Variants in VPS37C observed in about 807,000 individuals in gnomAD.
VPS37C encodes the protein VPS37C subunit of ESCRT-I.
Under a neutral mutation model 16.1 loss-of-function variants are expected in VPS37C, and 9 were observed. The ratio of observed to expected loss-of-function variants is 0.56; its 90% CI spans 0.34 to 0.97. The LOEUF is 0.97. VPS37C is among the 50% of genes least tolerant of loss of function. The pLI is 0.02. For missense variants in VPS37C, 479 were observed against 472.7 expected, an observed-to-expected ratio of 1.01 and a Z score of -0.12; for synonymous variants, 207 against 206.4, an observed-to-expected ratio of 1.00 and a Z score of -0.02.
chr11:61,142,975 T>TAAAAAAAAAAAAAAAAAAAAAAAGAA (rs1861499142), intron 1 of VPS37C, among the ~76,000 whole-genome samples: 2 of 47,586 alleles, frequency 4.2e-5, no homozygotes, highest in African/African-American at 7.5e-5. Flanking sequence ...AAAGAATAGC[T>TAAAAAAAAAAAAAAAAAAAAAAAGAA]AAAAAAAAAA....
chr11:61,141,087 G>T, intron 1 of VPS37C, among the ~76,000 whole-genome samples: 1 of 152,146 alleles, frequency 6.6e-6, no homozygotes, highest in East Asian at 1.9e-4. Flanking sequence ...GTAAAAGCTG[G>T]GCCAGGTGCA....
At chr11:61,136,888 A>C (rs1240515512) in intron 2 of VPS37C, among the ~76,000 whole-genome samples, 1 of 152,182 alleles carries the variant, frequency 6.6e-6, no homozygotes, top group Non-Finnish European at 1.5e-5. Flanking sequence ...GTGCACCTGT[A>C]GTCCCAGCTA....
chr11:61,135,200 C>T (rs1042049929), intron 2 of VPS37C, among the ~76,000 whole-genome samples: 1 of 152,224 alleles, frequency 6.6e-6, no homozygotes, highest in African/African-American at 2.4e-5. Flanking sequence ...TCATGCCCCA[C>T]GAGACATAGG....
intron 3 of VPS37C, 45 bp from the exon 4 acceptor site, chr11:61,133,382 G>T: frequency 6.3e-7 from 1 of 1,595,500 alleles, no homozygotes; most frequent in South Asian, 1.1e-5. Flanking sequence ...AGTGCTTCCT[G>T]ATTCAGTGTT....
intron 1 of VPS37C, among the ~76,000 whole-genome samples, chr11:61,157,117 A>T (rs957626333): frequency 1.3e-5 from 2 of 152,242 alleles, no homozygotes; most frequent in African/African-American, 4.8e-5. Context: ...CATATAACAC[A>T]TTTTGTTTAT....
In VPS37C at chr11:61,131,062, A is replaced by G. The variant is rs1321461615; in HGVS notation, c.*758T>C. Reference sequence around the variant, plus strand: ...CTAAACAAGCCCCAATGTGACCACAATCTCCAGGGCTAGAGCTGCCCGCTT... The same window carrying G: ...CTAAACAAGCCCCAATGTGACCACAGTCTCCAGGGCTAGAGCTGCCCGCTT... On this transcript the variant is annotated 3_prime_UTR_variant, in exon 5 of 5. Transcript: ENST00000301765. The G allele has an allele frequency of 6.9e-6, 2 of 288,038 alleles. No individual in the cohort carries two copies. Among genetic ancestry groups the G allele is most frequent in the African/African-American group, 4.7e-5 (2 of 42,356 alleles). The allele number at this position is 288,038 out of a possible 1,614,324, so 17.8% of individuals were successfully genotyped here.
At chr11:61,138,542 C>T (rs1861420605) in intron 2 of VPS37C, 195 bp downstream of exon 2, 1 of 581,594 alleles carries the variant, frequency 1.7e-6, no homozygotes, top group South Asian at 2.0e-5. Context: ...GCAGTGGACT[C>T]CCCAGCACTC....
rs1273773081 is a variant in VPS37C at position 61,130,993 on chromosome 11, G to T, written c.*827C>A. The stretch of plus-strand genomic sequence containing the variant: ...TCGCCCTAAAGTGGGGACCCCAGAG[G>T]AGAGAAGGGAGGGTGGCTGGGGAGG... On this transcript the variant is annotated 3_prime_UTR_variant, in exon 5 of 5. Transcript: ENST00000301765. 2 of 318,578 alleles carry T rather than the reference G, an allele frequency of 6.3e-6. No individual in the cohort carries two copies. The highest frequency in any genetic ancestry group is 2.3e-5 in the African/African-American group (1 of 42,930). The allele number at this position is 318,578 out of a possible 1,614,324, so 19.7% of individuals were successfully genotyped here.
chr11:61,149,692 C>T (rs950265760), intron 1 of VPS37C, among the ~76,000 whole-genome samples: 2 of 152,170 alleles, frequency 1.3e-5, no homozygotes, highest in African/African-American at 4.8e-5. Flanking sequence ...CAAACATAAG[C>T]ATACATAGGG....
intron 1 of VPS37C, chr11:61,144,803 A>T (rs1011625432): frequency 1.3e-5 from 2 of 152,210 alleles, no homozygotes; most frequent in African/African-American, 2.4e-5. Context: ...AGTCCCCCCT[A>T]CACGGAGGCT....
intron 1 of VPS37C, chr11:61,144,458 CAGG>C (rs1474651866): frequency 6.6e-6 from 1 of 151,356 alleles, no homozygotes; most frequent in African/African-American, 2.4e-5. Flanking sequence ...ACCGCAGAAG[CAGG>C]AGGAGAACGC....
At chr11:61,156,398 C>G (rs1309102247) in intron 1 of VPS37C, among the ~76,000 whole-genome samples, 1 of 152,126 alleles carries the variant, frequency 6.6e-6, no homozygotes, top group Non-Finnish European at 1.5e-5. Flanking sequence ...GCCTAGCCAA[C>G]ATGGTGAAAT....
chr11:61,133,050 C>G, intron 4 of VPS37C: 1 of 689,916 alleles, frequency 1.4e-6, no homozygotes. Context: ...CCACTGTCAC[C>G]CGTTTCTGCT....
rs755424600 is a variant in VPS37C, at chr11:61,131,780, G to A, written c.*40C>T. 39 of 1,243,592 alleles carry A rather than the reference G, an allele frequency of 3.1e-5. No individual in the cohort carries two copies. The highest frequency in any genetic ancestry group is 1.1e-4 in the African/African-American group (7 of 64,744). The allele number at this position is 1,243,592 out of a possible 1,614,324, so 77.0% of individuals were successfully genotyped here. A position where few individuals can be genotyped will look rare whatever the true frequency, so the allele number is the denominator to read the frequency against. On this transcript the variant is annotated 3_prime_UTR_variant, in exon 5 of 5. Coordinates refer to ENST00000301765, the MANE Select transcript of VPS37C (RefSeq NM_017966.5). ...GCGATGGCTGGGCCAAAGGTTGAGC[G>A]TGGGTGGGACTAGGGAGGGGCCGAG...
At chr11:61,150,736 C>A (rs1722954690) in intron 1 of VPS37C, among the ~76,000 whole-genome samples, 1 of 151,974 alleles carries the variant, frequency 6.6e-6, no homozygotes, top group African/African-American at 2.4e-5. Flanking sequence ...CTGCTCCCAA[C>A]CCTCACCAGC....
chr11:61,133,066 T>A (rs1452074501), intron 4 of VPS37C, 189 bp downstream of exon 4: 1 of 708,586 alleles, frequency 1.4e-6, no homozygotes, highest in Admixed American at 2.0e-5. Flanking sequence ...CTGCTTCAGC[T>A]AGTGGGACTG....
chr11:61,153,413 A>G (rs183918793), intron 1 of VPS37C, among the ~76,000 whole-genome samples: 7 of 152,264 alleles, frequency 4.6e-5, no homozygotes, highest in African/African-American at 1.7e-4. Context: ...TCTTTCCTTT[A>G]TTAGTTACCC....
chr11:61,154,370 G>A (rs1269909197), intron 1 of VPS37C, among the ~76,000 whole-genome samples: 2 of 152,038 alleles, frequency 1.3e-5, no homozygotes, highest in African/African-American at 2.4e-5. Flanking sequence ...TTAGAGACAG[G>A]GAAGATATTT....
intron 1 of VPS37C, among the ~76,000 whole-genome samples, chr11:61,160,798 T>C (rs140001796): frequency 3.1e-4 from 47 of 152,326 alleles, no homozygotes; most frequent in African/African-American, 1.1e-3. Flanking sequence ...TCAGTGCCCT[T>C]TGCGCCCAGA....
Sources: allele counts gnomAD v4.1 joint callset (sites outside exome capture counted in the v4.1 genomes callset), GRCh38; gene constraint gnomAD v4.1.1; transcripts MANE v1.5; gene names NCBI Gene and HGNC (gene_info 2026-07-23, HGNC 2026-07-21).